TSHZ3: variants seen among roughly 807,000 people sequenced by gnomAD.
TSHZ3 encodes teashirt homolog 3.
TSHZ3 carries 10 observed loss-of-function variants against 64.5 expected under a neutral mutation model. That is an observed-to-expected ratio of 0.16 (90% CI 0.10 to 0.26). The LOEUF (loss-of-function observed/expected upper bound fraction) is 0.26. TSHZ3 is among the 10% of genes least tolerant of loss of function. The pLI is 1.00. For missense variants in TSHZ3, 1,242 were observed against 1,421.7 expected, an observed-to-expected ratio of 0.87 and a Z score of 2.03; for synonymous variants, 608 against 593.1, an observed-to-expected ratio of 1.03 and a Z score of -0.36.
At position 31,276,223 on chromosome 19, in the gene TSHZ3, T is replaced by C. The variant is rs1976229347; in HGVS notation, c.*324A>G. On this transcript the variant is annotated 3_prime_UTR_variant, in exon 2 of 2. Transcript: ENST00000240587. ...TCGAGTCTCGTGGAAAAGGTGTGCC[T>C]GATTCCGTTATAAATGCTTAATTAA... is the stretch of plus-strand genomic sequence containing the variant. The C allele has an allele frequency of 4.8e-6, 1 of 206,796 alleles. No homozygotes were observed. Among genetic ancestry groups the C allele is most frequent in the Non-Finnish European group, 9.6e-6 (1 of 104,186 alleles). 12.8% of individuals were successfully genotyped at this position (206,796 alleles called of 1,614,324 possible).
intron 1 of TSHZ3, among the ~76,000 whole-genome samples, chr19:31,303,390 T>C (rs186494147): frequency 4.6e-5 from 7 of 152,306 alleles, no homozygotes; most frequent in African/African-American, 7.2e-5. Context: ...TGAGATGGCA[T>C]AGACCTGGCT....
intron 4 of TSHZ3, among the ~76,000 whole-genome samples, chr19:31,213,260 G>T (rs1445572981): frequency 6.8e-6 from 1 of 147,592 alleles, no homozygotes; most frequent in East Asian, 2.0e-4. Context: ...AGGAGGCTGA[G>T]GCAGGAGAAT....
Position 31,313,102 on chromosome 19 carries a change from T to G in TSHZ3, c.41-33350A>C, listed in dbSNP as rs139621252. On this transcript the variant is annotated intron_variant, in intron 1 of 1. Coordinates refer to ENST00000240587, the MANE Select transcript of TSHZ3 (RefSeq NM_020856.4). ...AGCATGACAGGTTTGGGACTCAGGA[T>G]GCCAAACCTGCTTGGGGGCAAGGAA... is the stretch of plus-strand genomic sequence containing the variant. 3.2e-3 allele frequency among the ~76,000 whole-genome samples: 480 copies of G among 152,228 alleles called. 4 individuals are homozygous for G. Among genetic ancestry groups the G allele is most frequent in the African/African-American group, 0.01 (436 of 41,530 alleles).
At chr19:31,286,275 T>G (rs1037969383) in intron 1 of TSHZ3, among the ~76,000 whole-genome samples, 15 of 152,174 alleles carry the variant, frequency 9.9e-5, no homozygotes, top group African/African-American at 3.1e-4. Context: ...ATGTGACTCC[T>G]GGGTAGAGAC....
chr19:31,299,313 C>A (rs748574365), intron 1 of TSHZ3, among the ~76,000 whole-genome samples: 1 of 152,194 alleles, frequency 6.6e-6, no homozygotes, highest in Non-Finnish European at 1.5e-5. Flanking sequence ...CATCTCTCAG[C>A]CTCAGTCTCC....
intron 1 of TSHZ3, among the ~76,000 whole-genome samples, chr19:31,323,071 C>T (rs753979094): frequency 1.6e-4 from 25 of 152,138 alleles, no homozygotes; most frequent in Non-Finnish European, 2.9e-4. Context: ...TATTTGGCAA[C>T]CTGCTTTTTT....
chr19:31,309,412 C>G (rs183758125), intron 1 of TSHZ3, among the ~76,000 whole-genome samples: 16 of 152,180 alleles, frequency 1.1e-4, no homozygotes, highest in Admixed American at 7.8e-4. Flanking sequence ...ACAAAATACT[C>G]TACAGGCGCA....
intron 4 of TSHZ3, among the ~76,000 whole-genome samples, chr19:31,226,450 C>A (rs1247513920): frequency 6.6e-6 from 1 of 152,118 alleles, no homozygotes; most frequent in East Asian, 1.9e-4. Context: ...TCTTTGCCTG[C>A]CACTATGTAA....
intron 1 of TSHZ3, among the ~76,000 whole-genome samples, chr19:31,316,874 T>A (rs1007358257): frequency 6.6e-6 from 1 of 152,156 alleles, no homozygotes; most frequent in Non-Finnish European, 1.5e-5. Context: ...CTAGTCGTTT[T>A]CCCGTTTTAT....
chr19:31,265,126 G>T (rs1599611768), intron 1 of TSHZ3, among the ~76,000 whole-genome samples: 1 of 152,254 alleles, frequency 6.6e-6, no homozygotes, highest in East Asian at 1.9e-4. Context: ...GCTGGGTGCA[G>T]TGGATCATGC....
At chr19:31,242,909 CT>C (rs1429049465) in intron 1 of TSHZ3, among the ~76,000 whole-genome samples, 7 of 152,078 alleles carry the variant, frequency 4.6e-5, no homozygotes, top group African/African-American at 1.7e-4. Context: ...CAACTTTCCT[CT>C]GCCTTTTTGT....
intron 1 of TSHZ3, among the ~76,000 whole-genome samples, chr19:31,255,787 G>T (rs1975902014): frequency 6.6e-6 from 1 of 152,134 alleles, no homozygotes; most frequent in South Asian, 2.1e-4. Flanking sequence ...GAAATCTGGG[G>T]GCATCTCATG....
chr19:31,316,446 G>C (rs1488312055), intron 1 of TSHZ3, among the ~76,000 whole-genome samples: 1 of 152,164 alleles, frequency 6.6e-6, no homozygotes, highest in Non-Finnish European at 1.5e-5. Flanking sequence ...GAAGTGGTGT[G>C]TACGAGGCCT....
chr19:31,249,556 T>TA (rs1215829385), intron 1 of TSHZ3, among the ~76,000 whole-genome samples: 5 of 152,072 alleles, frequency 3.3e-5, no homozygotes, highest in Non-Finnish European at 7.4e-5. Context: ...GCTTAATATA[T>TA]AAAAAATATA....
chr19:31,350,664 G>A (rs1032359854), upstream of TSHZ3, among the ~76,000 whole-genome samples: 1 of 151,550 alleles, frequency 6.6e-6, no homozygotes, highest in Non-Finnish European at 1.5e-5. Flanking sequence ...GACTGGCCGC[G>A]GCAAGAAGGA....
At chr19:31,219,956 G>A (rs1248954471) in intron 4 of TSHZ3, among the ~76,000 whole-genome samples, 1 of 151,726 alleles carries the variant, frequency 6.6e-6, no homozygotes, top group African/African-American at 2.4e-5. Flanking sequence ...TTGATCAATT[G>A]ATTATTTGAT....
chr19:31,177,729 T>C (rs1056100780), intron 5 of TSHZ3, among the ~76,000 whole-genome samples: 5 of 152,260 alleles, frequency 3.3e-5, no homozygotes, highest in Admixed American at 3.3e-4. Flanking sequence ...TTTCCCCATT[T>C]GTCTGCTGAC....
At chr19:31,301,972 C>T (rs1427621451) in intron 1 of TSHZ3, among the ~76,000 whole-genome samples, 1 of 152,130 alleles carries the variant, frequency 6.6e-6, no homozygotes, top group Non-Finnish European at 1.5e-5. Flanking sequence ...ACATTCCACA[C>T]CCTGGACATC....
chr19:31,249,852 A>G (rs545900128), intron 1 of TSHZ3, among the ~76,000 whole-genome samples: 1 of 152,226 alleles, frequency 6.6e-6, no homozygotes, highest in Non-Finnish European at 1.5e-5. Flanking sequence ...GTCATCATGG[A>G]GATAACAGAT....
Sources: gnomAD v4.1 joint callset for allele counts (sites outside exome capture counted in the v4.1 genomes callset) on GRCh38, gnomAD v4.1.1 for gene constraint, MANE v1.5 for transcripts, NCBI Gene and HGNC (gene_info 2026-07-23, HGNC 2026-07-21) for gene names.